LARGE1: variants seen among roughly 807,000 people sequenced by gnomAD.
The protein encoded by LARGE1 is LARGE xylosyl- and glucuronyltransferase 1, also known as xylosyl- and glucuronyltransferase LARGE1.
Under a neutral mutation model 87.6 loss-of-function variants are expected in LARGE1, and 43 were observed. The observed-to-expected ratio is 0.49, with a 90% CI of 0.38 to 0.63. The LOEUF (loss-of-function observed/expected upper bound fraction) is 0.63, where lower values mean the gene tolerates loss of function less well. LARGE1 is among the 30% of genes least tolerant of loss of function. The pLI is 0.00. For missense variants in LARGE1, 802 were observed against 1,000.2 expected (o/e 0.80, Z 2.67); for synonymous variants, 434 against 394.6 (o/e 1.10, Z -1.18).
In LARGE1 at chr22:33,449,797, C is replaced by T. The variant is rs117842100; in HGVS notation, c.788-17532G>A. Among the ~76,000 whole-genome samples, 96 of 152,340 alleles carry T rather than the reference C, an allele frequency of 6.3e-4. No homozygotes were observed. The East Asian group carries it at 9.5e-3, about 15-fold the overall frequency. On this transcript the variant is annotated intron_variant, in intron 6 of 14. Transcript: ENST00000397394. ...GCCCACTTTCAAAAGAAAGTTGAGC[C>T]CCAACCCACATTCCTGGCTGCCAGT...
the LARGE1 span, among the ~76,000 whole-genome samples, chr22:33,131,033 C>CAAAAAAAAAAAAA: frequency 1.1e-4 from 8 of 70,928 alleles, no homozygotes; most frequent in South Asian, 4.7e-4. Context: ...GACTCCGTCT[C>CAAAAAAAAAAAAA]AAAAAAAAAA....
chr22:33,874,663 G>A (rs1418773518), intron 1 of LARGE1, among the ~76,000 whole-genome samples: 2 of 152,172 alleles, frequency 1.3e-5, no homozygotes, highest in African/African-American at 4.8e-5. Context: ...TGTGGAGTCA[G>A]GTCCCCCTGG....
intron 1 of LARGE1, among the ~76,000 whole-genome samples, chr22:33,782,904 G>A (rs959718146): frequency 4.9e-5 from 6 of 123,322 alleles, no homozygotes; most frequent in Admixed American, 2.4e-4. Context: ...AAAAAAGAGA[G>A]AGAGAGAGGG....
chr22:33,157,460 A>G (rs1263391840), downstream of LARGE1, among the ~76,000 whole-genome samples: 1 of 152,086 alleles, frequency 6.6e-6, no homozygotes, highest in Non-Finnish European at 1.5e-5. Context: ...GCCCCTCCCC[A>G]CTTCCCATTT....
intron 1 of LARGE1, among the ~76,000 whole-genome samples, chr22:33,862,073 C>A (rs1366202665): frequency 1.3e-5 from 2 of 151,972 alleles, no homozygotes; most frequent in African/African-American, 4.8e-5. Flanking sequence ...GTTGGCCAGG[C>A]TGGTCTTGAA....
At chr22:33,572,192 A>T (rs2078225781) in intron 5 of LARGE1, 4 of 1,290,042 alleles carry the variant, frequency 3.1e-6, no homozygotes, top group South Asian at 1.3e-5. Context: ...GACATATTTT[A>T]AAAAATTAAA....
At chr22:33,424,008 C>G (rs542100962) in intron 7 of LARGE1, among the ~76,000 whole-genome samples, 19 of 152,278 alleles carry the variant, frequency 1.2e-4, no homozygotes, top group Middle Eastern at 6.8e-3. Flanking sequence ...CAGTTGAACT[C>G]AAGTTCAATT....
intron 6 of LARGE1, among the ~76,000 whole-genome samples, chr22:33,505,686 G>A (rs767279649): frequency 4.6e-5 from 7 of 152,116 alleles, no homozygotes; most frequent in South Asian, 2.1e-4. Context: ...CGAGTTCCCC[G>A]TCACTGGGGA....
chr22:33,646,066 T>C (rs1229567348), intron 3 of LARGE1, among the ~76,000 whole-genome samples: 1 of 152,120 alleles, frequency 6.6e-6, no homozygotes, highest in African/African-American at 2.4e-5. Context: ...AGAAATACCA[T>C]TTGACCCAGC....
At chr22:33,632,196 C>G (rs143158876) in intron 3 of LARGE1, among the ~76,000 whole-genome samples, 92 of 152,320 alleles carry the variant, frequency 6.0e-4, no homozygotes, top group Non-Finnish European at 1.1e-3. Context: ...GATCTCAGCT[C>G]TCTCCAACCT....
intron 10 of LARGE1, among the ~76,000 whole-genome samples, chr22:33,333,152 G>A (rs528635865): frequency 2.0e-5 from 3 of 151,810 alleles, no homozygotes; most frequent in African/African-American, 7.3e-5. Context: ...GACTACAGGC[G>A]CCCACTACAG....
intron 6 of LARGE1, among the ~76,000 whole-genome samples, chr22:33,434,111 C>T (rs1421496034): frequency 2.0e-5 from 3 of 152,154 alleles, no homozygotes; most frequent in Non-Finnish European, 4.4e-5. Flanking sequence ...GACATTTGTG[C>T]AGAACAATTA....
the LARGE1 span, among the ~76,000 whole-genome samples, chr22:33,118,504 GAAAAAA>G: frequency 2.5e-5 from 2 of 80,456 alleles, no homozygotes; most frequent in African/African-American, 8.1e-5. Context: ...AAAGAAAAAA[GAAAAAA>G]AAAAAAAAAA....
chr22:33,840,843 G>A (rs554024105), intron 1 of LARGE1, among the ~76,000 whole-genome samples: 2 of 152,012 alleles, frequency 1.3e-5, no homozygotes, highest in African/African-American at 4.8e-5. Context: ...GGCTGGTCTC[G>A]AACTCCTGGG....
chr22:33,902,431 G>A (rs2065309451), intron 1 of LARGE1, among the ~76,000 whole-genome samples: 1 of 152,146 alleles, frequency 6.6e-6, no homozygotes, highest in Non-Finnish European at 1.5e-5. Flanking sequence ...GCTGTCAATT[G>A]CAAGGACAAT....
chr22:33,888,853 T>C (rs1177341206), intron 1 of LARGE1, among the ~76,000 whole-genome samples: 1 of 152,162 alleles, frequency 6.6e-6, no homozygotes, highest in Non-Finnish European at 1.5e-5. Context: ...CAAGACTCTG[T>C]CTCAATAACA....
the LARGE1 span, among the ~76,000 whole-genome samples, chr22:33,103,603 A>T: frequency 6.6e-5 from 10 of 152,142 alleles, no homozygotes. Context: ...CGAGCTGTCC[A>T]TGGGGACCAT....
At chr22:33,301,519 T>A (rs1264607241) in intron 12 of LARGE1, among the ~76,000 whole-genome samples, 6 of 152,060 alleles carry the variant, frequency 3.9e-5, no homozygotes, top group Non-Finnish European at 7.4e-5. Flanking sequence ...GATTCCCAAC[T>A]CCTCTTGAAA....
intron 1 of LARGE1, among the ~76,000 whole-genome samples, chr22:33,867,662 C>G (rs540365757): frequency 6.6e-6 from 1 of 152,164 alleles, no homozygotes; most frequent in Non-Finnish European, 1.5e-5. Flanking sequence ...GATGGAGCCA[C>G]GTTGAATCAC....
Sources: gnomAD v4.1 joint callset for allele counts (sites outside exome capture counted in the v4.1 genomes callset) on GRCh38, gnomAD v4.1.1 for gene constraint, MANE v1.5 for transcripts, NCBI Gene and HGNC (gene_info 2026-07-23, HGNC 2026-07-21) for gene names.